The following ANGPT1 variants were observed in gnomAD, a reference collection of about 807,000 sequenced individuals.
ANGPT1 encodes the protein angiopoietin 1.
ANGPT1 carries 17 observed loss-of-function variants against 62.2 expected under a neutral mutation model. That is an observed-to-expected ratio of 0.27 (90% confidence interval 0.19 to 0.41). ANGPT1 has a LOEUF of 0.41. Among genes scored for constraint, ANGPT1 ranks in the 10% least tolerant of loss-of-function variants. ANGPT1 has a pLI of 1.00. For missense variants in ANGPT1, 478 were observed against 594.9 expected (o/e 0.80, Z 2.04); for synonymous variants, 199 against 198.9 (o/e 1.00, Z 0.00).
intron 1 of ANGPT1, among the ~76,000 whole-genome samples, chr8:107,462,640 T>C (rs1451209320): frequency 6.6e-6 from 1 of 152,038 alleles, no homozygotes; most frequent in Non-Finnish European, 1.5e-5. Flanking sequence ...TAAGGGCTCA[T>C]CAATCACAAA....
At chr8:107,436,981 C>G (rs1811351850) in intron 1 of ANGPT1, among the ~76,000 whole-genome samples, 2 of 152,152 alleles carry the variant, frequency 1.3e-5, no homozygotes, top group Non-Finnish European at 2.9e-5. Context: ...ACAAACATGT[C>G]AGCTACTTAA....
chr8:107,395,076 A>T (rs1816909584), intron 1 of ANGPT1, among the ~76,000 whole-genome samples: 2 of 152,178 alleles, frequency 1.3e-5, no homozygotes, highest in South Asian at 4.1e-4. Flanking sequence ...AACTGTCCAA[A>T]ATAGAGTGAG....
intron 1 of ANGPT1, among the ~76,000 whole-genome samples, chr8:107,462,137 C>G (rs766310357): frequency 1.2e-4 from 18 of 151,906 alleles, no homozygotes; most frequent in Non-Finnish European, 2.5e-4. Context: ...TTAGAACAAT[C>G]AAGTTCAATT....
At chr8:107,388,302 C>G (rs1816771784) in intron 1 of ANGPT1, among the ~76,000 whole-genome samples, 1 of 152,048 alleles carries the variant, frequency 6.6e-6, no homozygotes, top group Non-Finnish European at 1.5e-5. Flanking sequence ...ACGGTCCTAG[C>G]TACTTCAGAG....
At chr8:107,270,568 T>A (rs1813712385) in intron 7 of ANGPT1, among the ~76,000 whole-genome samples, 2 of 151,986 alleles carry the variant, frequency 1.3e-5, no homozygotes, top group South Asian at 4.1e-4. Flanking sequence ...TCCTACCCCC[T>A]TTCCACTGAA....
At chr8:107,331,574 C>G (rs1815421682) in intron 3 of ANGPT1, among the ~76,000 whole-genome samples, 1 of 152,146 alleles carries the variant, frequency 6.6e-6, no homozygotes, top group South Asian at 2.1e-4. Flanking sequence ...TTGCCATATC[C>G]TTAGCTGTTT....
chr8:107,474,696 GC>G (rs1032619517), intron 1 of ANGPT1, among the ~76,000 whole-genome samples: 8 of 152,156 alleles, frequency 5.3e-5, no homozygotes, highest in African/African-American at 1.9e-4. Flanking sequence ...CATTGTCTCA[GC>G]CCAAAATCTC....
rs1245088211 is a variant in ANGPT1 at position 107,492,600 on chromosome 8, G to C, written c.297+4662C>G. Among the ~76,000 whole-genome samples the C allele has an allele frequency of 1.3e-5, 2 of 151,374 alleles. 1 individual carries two copies. On this transcript the variant is annotated intron_variant, in intron 1 of 8. Coordinates refer to ENST00000517746, the MANE Select transcript of ANGPT1 (RefSeq NM_001146.5). ...GATCTGCCCGCCTTGGCGTCCCAAA[G>C]TGCTGGGATTACAGGTGTGAGCCAC...
intron 4 of ANGPT1, among the ~76,000 whole-genome samples, chr8:107,318,156 C>G (rs1815064478): frequency 6.6e-6 from 1 of 152,028 alleles, no homozygotes; most frequent in African/African-American, 2.4e-5. Context: ...TAAATGTGGC[C>G]CAATGTTTGC....
intron 8 of ANGPT1, among the ~76,000 whole-genome samples, chr8:107,255,820 C>T (rs1813345689): frequency 6.6e-6 from 1 of 152,026 alleles, no homozygotes. Flanking sequence ...TGTAAGTTAT[C>T]TAGAAAATGG....
chr8:107,329,053 ATAG>A (rs1815357259), intron 3 of ANGPT1, among the ~76,000 whole-genome samples: 1 of 152,042 alleles, frequency 6.6e-6, no homozygotes, highest in Non-Finnish European at 1.5e-5. Context: ...TATGAAATAA[ATAG>A]TAGAAAAAAC....
intron 1 of ANGPT1, among the ~76,000 whole-genome samples, chr8:107,476,397 G>A (rs1487430583): frequency 6.6e-6 from 1 of 151,992 alleles, no homozygotes; most frequent in African/African-American, 2.4e-5. Flanking sequence ...AGAACACTTG[G>A]GCACAGGAAG....
intron 1 of ANGPT1, among the ~76,000 whole-genome samples, chr8:107,447,307 G>A (rs1811648336): frequency 1.3e-5 from 2 of 152,146 alleles, no homozygotes; most frequent in Admixed American, 6.6e-5. Context: ...AAGGCAAAGT[G>A]CCTGTGGGGC....
rs528044427 is a variant in ANGPT1 at position 107,394,144 on chromosome 8, T to A, written c.298-47047A>T. ...TTTTCCTAAAGCTAGGGGTTAGAGC[T>A]GGAGAGCTGATCCTCAGGAGAATCT... On this transcript the variant is annotated intron_variant, in intron 1 of 8. Transcript: ENST00000517746. 1.6e-4 allele frequency among the ~76,000 whole-genome samples: 24 copies of A among 152,276 alleles called. No individual in the cohort carries two copies. In the South Asian group the frequency reaches 5.0e-3, roughly 32 times the overall value.
Position 107,249,484 on chromosome 8 carries a change from G to T in ANGPT1, c.*2371C>A, listed in dbSNP as rs1337306614. The T allele has an allele frequency of 2.6e-5, 4 of 152,102 alleles. No individual in the cohort carries two copies. The highest frequency in any genetic ancestry group is 9.7e-5 in the African/African-American group (4 of 41,428). 9.4% of individuals were successfully genotyped at this position (152,102 alleles called of 1,614,324 possible). ...TACGTATTAAAAATAAAATGAAGTT[G>T]CACAAATATTACTTTCAATTTTATT... On this transcript the variant is annotated 3_prime_UTR_variant, in exon 9 of 9. Coordinates refer to ENST00000517746, the MANE Select transcript of ANGPT1 (RefSeq NM_001146.5).
intron 1 of ANGPT1, among the ~76,000 whole-genome samples, chr8:107,383,307 G>T (rs149912155): frequency 1.3e-5 from 2 of 152,248 alleles, no homozygotes; most frequent in East Asian, 3.9e-4. Flanking sequence ...CCAAGAAAGG[G>T]CTGGATGTAC....
chr8:107,425,308 T>C (rs1279872423), intron 1 of ANGPT1, among the ~76,000 whole-genome samples: 2 of 152,228 alleles, frequency 1.3e-5, no homozygotes, highest in African/African-American at 4.8e-5. Flanking sequence ...GGGAGGTTAC[T>C]ATCTTGATTT....
At chr8:107,346,889 GA>G (rs899516402) in intron 2 of ANGPT1, 52 bp downstream of exon 2, 297 of 1,468,520 alleles carry the variant, frequency 2.0e-4, no homozygotes, top group South Asian at 7.9e-4. Context: ...GAAAGCTAAA[GA>G]AAAAAAAAAT....
intron 1 of ANGPT1, among the ~76,000 whole-genome samples, chr8:107,359,748 C>T (rs1284500561): frequency 6.6e-6 from 1 of 152,124 alleles, no homozygotes; most frequent in Non-Finnish European, 1.5e-5. Context: ...TATATTCAGA[C>T]ACAAATTTGT....
Sources: allele counts gnomAD v4.1 joint callset (sites outside exome capture counted in the v4.1 genomes callset), GRCh38; gene constraint gnomAD v4.1.1; transcripts MANE v1.5; gene names NCBI Gene and HGNC (gene_info 2026-07-23, HGNC 2026-07-21).